The following CFAP58 variants were observed in gnomAD, a reference collection of about 807,000 sequenced individuals.
CFAP58 encodes the protein cilia and flagella associated protein 58, also known as cilia- and flagella-associated protein 58.
Under a neutral mutation model 119.5 loss-of-function variants are expected in CFAP58, and 88 were observed. That is an observed-to-expected ratio of 0.74 (90% confidence interval 0.62 to 0.88). The LOEUF (loss-of-function observed/expected upper bound fraction) is 0.88, where lower values mean the gene tolerates loss of function less well. CFAP58 is among the 40% of genes least tolerant of loss of function. The probability of loss-of-function intolerance (pLI) is 0.00; values close to 1 mark genes in which losing one functional copy is unlikely to be tolerated. For synonymous variants in CFAP58, 365 were observed against 366.3 expected, an observed-to-expected ratio of 1.00 and a Z score of 0.04; for missense variants, 990 against 1,021.2, an observed-to-expected ratio of 0.97 and a Z score of 0.42.
intron 11 of CFAP58, among the ~76,000 whole-genome samples, chr10:104,394,908 C>G (rs893373927): frequency 6.6e-6 from 1 of 152,188 alleles, no homozygotes; most frequent in African/African-American, 2.4e-5. Context: ...TCGGAAGAAA[C>G]TTATTTTAAA....
intron 11 of CFAP58, among the ~76,000 whole-genome samples, chr10:104,397,013 G>C (rs1333440707): frequency 6.6e-6 from 1 of 152,194 alleles, no homozygotes; most frequent in African/African-American, 2.4e-5. Flanking sequence ...AAATGCACGA[G>C]TGGTTTTACA....
chr10:104,353,254 T>C (rs2014486927), upstream of CFAP58: 1 of 152,268 alleles, frequency 6.6e-6, no homozygotes, highest in African/African-American at 2.4e-5. Context: ...CTCTGCACCC[T>C]ATTTTTCTCA....
chr10:104,338,965 G>A, the CFAP58 span, among the ~76,000 whole-genome samples: 1 of 151,140 alleles, frequency 6.6e-6, no homozygotes, highest in Non-Finnish European at 1.5e-5. Context: ...GAGTGCAATG[G>A]TGGCGCTATC....
upstream of CFAP58, chr10:104,353,731 G>A (rs2014499265): frequency 1.5e-6 from 1 of 645,912 alleles, no homozygotes; most frequent in Non-Finnish European, 2.6e-6. Flanking sequence ...AGCGCCCCTA[G>A]AGGGCGTGTC....
At chr10:104,372,712 A>G (rs941880730) in intron 7 of CFAP58, among the ~76,000 whole-genome samples, 6 of 152,232 alleles carry the variant, frequency 3.9e-5, no homozygotes, top group African/African-American at 1.4e-4. Context: ...CCATATTTAA[A>G]TTTCTGTTTT....
At position 104,383,753 on chromosome 10, in the gene CFAP58, A is replaced by AACACACACACACACACACACAC. The variant is rs59181888; in HGVS notation, c.1365+3542_1365+3563dup. Among the ~76,000 whole-genome samples, 172 of 145,942 alleles carry AACACACACACACACACACACAC rather than the reference A, an allele frequency of 1.2e-3. No individual in the cohort carries two copies. In the Middle Eastern group the frequency reaches 0.017, roughly 15 times the overall value. On this transcript the variant is annotated intron_variant, in intron 9 of 17. Transcript: ENST00000369704. The stretch of plus-strand genomic sequence containing the variant: ...ATATTTCTTTCTTTCTTTACTGTCC[A>AACACACACACACACACACACAC]ACACACACACACACACACACACACA...
intron 15 of CFAP58, among the ~76,000 whole-genome samples, chr10:104,427,195 A>G: frequency 6.6e-6 from 1 of 152,204 alleles, no homozygotes; most frequent in Non-Finnish European, 1.5e-5. Context: ...GTCATTAGGA[A>G]CTTGGCTGGG....
chr10:104,381,830 C>G (rs1007127031), intron 9 of CFAP58, among the ~76,000 whole-genome samples: 2 of 152,132 alleles, frequency 1.3e-5, no homozygotes, highest in African/African-American at 4.8e-5. Context: ...ACAGTGATCC[C>G]CAATGGATTC....
At chr10:104,357,932 CACACATATAT>C (rs1204469150) in intron 1 of CFAP58, among the ~76,000 whole-genome samples, 9 of 107,398 alleles carry the variant, frequency 8.4e-5, no homozygotes, top group South Asian at 5.6e-4. Context: ...TACACATATA[CACACATATAT>C]GTACACATAT....
intron 15 of CFAP58, among the ~76,000 whole-genome samples, chr10:104,428,382 G>A (rs1309118311): frequency 1.3e-5 from 2 of 152,112 alleles, no homozygotes; most frequent in African/African-American, 4.8e-5. Flanking sequence ...GTTACTTGTA[G>A]GAGACATTTG....
At chr10:104,393,944 A>G (rs760746376) in intron 11 of CFAP58, among the ~76,000 whole-genome samples, 6 of 152,176 alleles carry the variant, frequency 3.9e-5, no homozygotes, top group Admixed American at 1.3e-4. Flanking sequence ...CTGCAGTCTT[A>G]TCAACTGGGT....
At chr10:104,450,686 T>TTTATTTAG (rs2013180890) in intron 17 of CFAP58, among the ~76,000 whole-genome samples, 1 of 146,916 alleles carries the variant, frequency 6.8e-6, no homozygotes. Flanking sequence ...TATTTATTTA[T>TTTATTTAG]TTATTTATTT....
In CFAP58 at chr10:104,409,298, A is replaced by G. The variant is rs1430578599; in HGVS notation, c.2256+2505A>G. Among the ~76,000 whole-genome samples the G allele has an allele frequency of 2.0e-5, 3 of 152,322 alleles. No homozygotes were observed. In the East Asian group the frequency reaches 5.8e-4, roughly 29 times the overall value. On this transcript the variant is annotated intron_variant, in intron 15 of 17. Transcript: ENST00000369704. Reference sequence around the variant, plus strand: ...ATTAAAAGTGTATTTTAAATTTTCCAAATATATATGTATTTAAGTTATCTT... The same window carrying G: ...ATTAAAAGTGTATTTTAAATTTTCCGAATATATATGTATTTAAGTTATCTT...
upstream of CFAP58, among the ~76,000 whole-genome samples, chr10:104,351,229 C>A (rs2014455778): frequency 6.6e-6 from 1 of 152,204 alleles, no homozygotes. Context: ...CACATTATGA[C>A]TCAGCCACAT....
At chr10:104,381,957 TG>T (rs746202293) in intron 9 of CFAP58, among the ~76,000 whole-genome samples, 9 of 152,240 alleles carry the variant, frequency 5.9e-5, no homozygotes, top group Non-Finnish European at 1.3e-4. Flanking sequence ...ATTTAGGCCC[TG>T]GTATTATCGA....
At chr10:104,372,519 C>G (rs1811951186) in intron 7 of CFAP58, among the ~76,000 whole-genome samples, 1 of 152,160 alleles carries the variant, frequency 6.6e-6, no homozygotes, top group Non-Finnish European at 1.5e-5. Context: ...CAAACCCAGA[C>G]TATGGGCAGG....
intron 17 of CFAP58, among the ~76,000 whole-genome samples, chr10:104,453,860 T>C (rs1298881710): frequency 6.6e-6 from 1 of 151,338 alleles, no homozygotes; most frequent in Non-Finnish European, 1.5e-5. Flanking sequence ...CCTCATCCAT[T>C]GCCAAAAATA....
chr10:104,413,486 C>T (rs1022655568), intron 15 of CFAP58, among the ~76,000 whole-genome samples: 1 of 152,154 alleles, frequency 6.6e-6, no homozygotes. Flanking sequence ...TTCTTTTCTT[C>T]TGCTCACCAA....
At position 104,357,928 on chromosome 10, in the gene CFAP58, TATACACAC is replaced by T. The variant is rs1564875974; in HGVS notation, c.10-409_10-402del. Among the ~76,000 whole-genome samples the T allele has an allele frequency of 2.4e-4, 29 of 118,984 alleles. 3 individuals are homozygous for T. Among genetic ancestry groups the T allele is most frequent in the African/African-American group, 1.2e-3 (26 of 21,310 alleles). The allele number at this position is 118,984 out of a possible 152,430, so 78.1% of individuals were successfully genotyped here. ...ACATATACACACATATATGTACACA[TATACACAC>T]ATATATGTACACATATATACACATA... On this transcript the variant is annotated intron_variant, in intron 1 of 17. Transcript: ENST00000369704.
Sources: gnomAD v4.1 joint callset for allele counts (sites outside exome capture counted in the v4.1 genomes callset) on GRCh38, gnomAD v4.1.1 for gene constraint, MANE v1.5 for transcripts, NCBI Gene and HGNC (gene_info 2026-07-23, HGNC 2026-07-21) for gene names.